PTPRD: variants seen among roughly 807,000 people sequenced by gnomAD.
PTPRD encodes the protein receptor-type tyrosine-protein phosphatase delta.
Under a neutral mutation model 214.5 loss-of-function variants are expected in PTPRD, and 34 were observed. The ratio of observed to expected loss-of-function variants is 0.16; its 90% confidence interval spans 0.12 to 0.21. The LOEUF is 0.21. PTPRD is among the 10% of genes least tolerant of loss of function. The pLI is 1.00. For synonymous variants in PTPRD, 1,128 were observed against 845.7 expected (o/e 1.33, Z -5.79); for missense variants, 2,545 against 2,398.7 (o/e 1.06, Z -1.27).
At chr9:8,587,148 TA>T (rs1261345954) in intron 14 of PTPRD, among the ~76,000 whole-genome samples, 1 of 152,214 alleles carries the variant, frequency 6.6e-6, no homozygotes, top group Non-Finnish European at 1.5e-5. Context: ...AGACTCCATC[TA>T]AAAAAACAAA....
intron 4 of PTPRD, among the ~76,000 whole-genome samples, chr9:9,951,640 A>C (rs898545031): frequency 6.6e-6 from 1 of 152,196 alleles, no homozygotes; most frequent in Non-Finnish European, 1.5e-5. Flanking sequence ...TTACAAGTTA[A>C]TGTCGTTCTC....
intron 13 of PTPRD, among the ~76,000 whole-genome samples, chr9:8,633,663 A>G (rs1043239518): frequency 6.6e-6 from 1 of 152,104 alleles, no homozygotes; most frequent in African/African-American, 2.4e-5. Flanking sequence ...ATGCAACTAC[A>G]TATGCAAAAC....
At chr9:8,805,693 C>A (rs76000509) in intron 11 of PTPRD, among the ~76,000 whole-genome samples, 5 of 151,370 alleles carry the variant, frequency 3.3e-5, no homozygotes, top group Non-Finnish European at 5.9e-5. Flanking sequence ...ACCTCCACCC[C>A]CTGGGTTCAA....
chr9:10,507,869 C>G (rs1429889646), intron 2 of PTPRD, among the ~76,000 whole-genome samples: 2 of 152,092 alleles, frequency 1.3e-5, no homozygotes, highest in Non-Finnish European at 2.9e-5. Context: ...TAGGCAACAC[C>G]ATTCAGGACA....
At chr9:9,954,887 C>A (rs1171908846) in intron 4 of PTPRD, among the ~76,000 whole-genome samples, 4 of 152,066 alleles carry the variant, frequency 2.6e-5, no homozygotes, top group African/African-American at 9.7e-5. Flanking sequence ...CAATTTGCAT[C>A]TTATTCAAAA....
intron 12 of PTPRD, among the ~76,000 whole-genome samples, chr9:8,638,994 C>A (rs1197811339): frequency 6.6e-6 from 1 of 152,092 alleles, no homozygotes; most frequent in Non-Finnish European, 1.5e-5. Context: ...AGGTGCGTAC[C>A]ACCACGCTCA....
chr9:10,313,139 T>C (rs1361480262), intron 3 of PTPRD, among the ~76,000 whole-genome samples: 3 of 151,852 alleles, frequency 2.0e-5, no homozygotes, highest in Non-Finnish European at 4.4e-5. Context: ...GAACAGAAAT[T>C]TGAAAAGAAA....
intron 2 of PTPRD, among the ~76,000 whole-genome samples, chr9:10,526,442 T>C (rs116938722): frequency 0.018 from 2,777 of 152,192 alleles, 33 homozygotes; most frequent in South Asian, 0.044. Flanking sequence ...TTTCATCTTA[T>C]AAGGAAAATG....
intron 34 of PTPRD, among the ~76,000 whole-genome samples, chr9:8,448,732 A>AATATGCTG (rs1244343188): frequency 1.3e-5 from 2 of 152,214 alleles, no homozygotes; most frequent in Non-Finnish European, 1.5e-5. Context: ...TAAAAGAGAA[A>AATATGCTG]ATATGCTGAA....
At chr9:8,662,552 T>C (rs1439480035) in intron 12 of PTPRD, among the ~76,000 whole-genome samples, 2 of 152,006 alleles carry the variant, frequency 1.3e-5, no homozygotes, top group African/African-American at 4.8e-5. Context: ...CTAGGAAAAA[T>C]GGAAATTTTC....
At chr9:9,998,322 C>T (rs1363076973) in intron 4 of PTPRD, among the ~76,000 whole-genome samples, 1 of 150,802 alleles carries the variant, frequency 6.6e-6, no homozygotes, top group Non-Finnish European at 1.5e-5. Context: ...GTGGGTCCAG[C>T]AGCTCAAACT....
At chr9:8,531,933 A>C (rs2075798502) in intron 14 of PTPRD, among the ~76,000 whole-genome samples, 1 of 151,978 alleles carries the variant, frequency 6.6e-6, no homozygotes, top group African/African-American at 2.4e-5. Flanking sequence ...AGTCTAATAC[A>C]TTTTCATGAC....
At chr9:10,088,525 A>C (rs919855829) in intron 3 of PTPRD, among the ~76,000 whole-genome samples, 2 of 151,810 alleles carry the variant, frequency 1.3e-5, no homozygotes, top group East Asian at 3.9e-4. Flanking sequence ...CCTATAGTTT[A>C]TTAGTCTCTT....
chr9:8,425,478 T>A (rs1047551906), intron 35 of PTPRD, among the ~76,000 whole-genome samples: 5 of 152,152 alleles, frequency 3.3e-5, no homozygotes, highest in Non-Finnish European at 5.9e-5. Flanking sequence ...CAGAATATGT[T>A]GGGAACCCCT....
intron 7 of PTPRD, among the ~76,000 whole-genome samples, chr9:9,674,603 C>T (rs1326673243): frequency 6.6e-6 from 1 of 151,678 alleles, no homozygotes; most frequent in Non-Finnish European, 1.5e-5. Flanking sequence ...ATTAAAACTA[C>T]AGGACAGCAA....
chr9:9,800,569 T>C (rs2099032725), intron 5 of PTPRD: 1 of 152,152 alleles, frequency 6.6e-6, no homozygotes, highest in African/African-American at 2.4e-5. Context: ...GAACGGATTA[T>C]TTGAAATTTA....
intron 2 of PTPRD, among the ~76,000 whole-genome samples, chr9:10,483,664 T>C (rs902635860): frequency 6.6e-6 from 1 of 151,786 alleles, no homozygotes; most frequent in Non-Finnish European, 1.5e-5. Flanking sequence ...AACAAACATA[T>C]GAAAAAAAAG....
intron 9 of PTPRD, among the ~76,000 whole-genome samples, chr9:9,293,521 TACTG>T (rs1951925310): frequency 6.6e-6 from 1 of 151,542 alleles, no homozygotes; most frequent in Non-Finnish European, 1.5e-5. Context: ...TTATTATTAT[TACTG>T]ACTAATGCTA....
chr9:10,071,179 G>T (rs1019630738), intron 3 of PTPRD, among the ~76,000 whole-genome samples: 1 of 151,902 alleles, frequency 6.6e-6, no homozygotes, highest in Non-Finnish European at 1.5e-5. Context: ...ATATTGCCAA[G>T]ATGTCAATTT....
Sources: gnomAD v4.1 joint callset for allele counts (sites outside exome capture counted in the v4.1 genomes callset) on GRCh38, gnomAD v4.1.1 for gene constraint, MANE v1.5 for transcripts, NCBI Gene and HGNC (gene_info 2026-07-23, HGNC 2026-07-21) for gene names.